The following PCDH9 variants were observed in gnomAD, a reference collection of about 807,000 sequenced individuals.
PCDH9 encodes the protein protocadherin-9.
PCDH9 carries 24 observed loss-of-function variants against 70.6 expected under a neutral mutation model. That is an observed-to-expected ratio of 0.34 (90% CI 0.25 to 0.48). PCDH9 has a LOEUF of 0.48. PCDH9 is among the 20% of genes least tolerant of loss of function. PCDH9 has a pLI of 0.99. For synonymous variants in PCDH9, 562 were observed against 558.5 expected, an observed-to-expected ratio of 1.01 and a Z score of -0.09; for missense variants, 1,281 against 1,503.6, an observed-to-expected ratio of 0.85 and a Z score of 2.45.
At chr13:66,827,360 CAAAAAAAAAAAAAAG>C (rs1267810884) in intron 3 of PCDH9, among the ~76,000 whole-genome samples, 2 of 120,276 alleles carry the variant, frequency 1.7e-5, no homozygotes, top group Non-Finnish European at 3.5e-5. Context: ...AGGAAAATGG[CAAAAAAAAAAAAAAG>C]AAAAAAAAGA....
chr13:66,861,244 A>G (rs2081479197), intron 3 of PCDH9, among the ~76,000 whole-genome samples: 1 of 152,188 alleles, frequency 6.6e-6, no homozygotes, highest in South Asian at 2.1e-4. Context: ...TCCAGCATAA[A>G]TATCAGTGCC....
intron 2 of PCDH9, among the ~76,000 whole-genome samples, chr13:67,121,901 TC>T (rs1274240570): frequency 6.6e-6 from 1 of 152,200 alleles, no homozygotes; most frequent in Admixed American, 6.5e-5. Context: ...TAAAATGGCA[TC>T]CTTGATTATG....
chr13:67,114,713 A>G (rs2086725678), intron 2 of PCDH9, among the ~76,000 whole-genome samples: 1 of 152,228 alleles, frequency 6.6e-6, no homozygotes, highest in Non-Finnish European at 1.5e-5. Context: ...CCTTCCATGC[A>G]TTCTAACTTT....
At chr13:66,496,859 G>A (rs1959125266) in intron 4 of PCDH9, among the ~76,000 whole-genome samples, 1 of 152,102 alleles carries the variant, frequency 6.6e-6, no homozygotes, top group African/African-American at 2.4e-5. Flanking sequence ...AAATTCCAAG[G>A]CAATGTGGGA....
intron 3 of PCDH9, among the ~76,000 whole-genome samples, chr13:66,763,251 A>G (rs1190909922): frequency 6.6e-6 from 1 of 152,038 alleles, no homozygotes; most frequent in East Asian, 1.9e-4. Context: ...AATACATATC[A>G]AAGTGGAAAA....
intron 2 of PCDH9, among the ~76,000 whole-genome samples, chr13:66,907,557 A>T (rs1594241417): frequency 6.6e-6 from 1 of 152,196 alleles, no homozygotes; most frequent in East Asian, 1.9e-4. Context: ...CTACCTATAG[A>T]CATATCTGCT....
chr13:67,037,734 T>C (rs2085038264), intron 2 of PCDH9, among the ~76,000 whole-genome samples: 2 of 152,090 alleles, frequency 1.3e-5, no homozygotes, highest in Non-Finnish European at 2.9e-5. Flanking sequence ...GCACCAAGAG[T>C]ACTGACCAAG....
intron 4 of PCDH9, among the ~76,000 whole-genome samples, chr13:66,453,525 C>T (rs1958257299): frequency 6.6e-6 from 1 of 151,212 alleles, no homozygotes; most frequent in South Asian, 2.1e-4. Flanking sequence ...GTTCTTTGTT[C>T]CTCCAAGTGC....
chr13:67,176,242 GA>G (rs2088451741), intron 2 of PCDH9, among the ~76,000 whole-genome samples: 1 of 152,170 alleles, frequency 6.6e-6, no homozygotes, highest in African/African-American at 2.4e-5. Flanking sequence ...GTGATGCAGA[GA>G]AAGTTAATAA....
At chr13:66,678,335 G>A (rs1037962813) in intron 3 of PCDH9, among the ~76,000 whole-genome samples, 3 of 151,846 alleles carry the variant, frequency 2.0e-5, no homozygotes, top group South Asian at 2.1e-4. Flanking sequence ...ATAAATTAAC[G>A]CAATTAATGA....
Position 66,514,068 on chromosome 13 carries a change from T to C in PCDH9, c.3340+117142A>G, listed in dbSNP as rs1281416146. Among the ~76,000 whole-genome samples the C allele has an allele frequency of 2.6e-5, 4 of 152,250 alleles. No homozygotes were observed. The East Asian group carries it at 7.7e-4, about 29-fold the overall frequency. On this transcript the variant is annotated intron_variant, in intron 4 of 4. Transcript: ENST00000377865. Reference sequence around the variant, plus strand: ...ATATTAGGAAGTAAAATAAGTAGCTTGTAATGACTGGGTAGATGCAGACTG... The same window carrying C: ...ATATTAGGAAGTAAAATAAGTAGCTCGTAATGACTGGGTAGATGCAGACTG...
At chr13:66,435,435 T>C (rs192841479) in intron 4 of PCDH9, among the ~76,000 whole-genome samples, 509 of 152,268 alleles carry the variant, frequency 3.3e-3, no homozygotes, top group South Asian at 0.012. Flanking sequence ...AATATAAAAG[T>C]ATTACCATAA....
At chr13:66,571,105 G>A (rs9529098) in intron 4 of PCDH9, among the ~76,000 whole-genome samples, 1 of 151,650 alleles carries the variant, frequency 6.6e-6, no homozygotes, top group African/African-American at 2.4e-5. Flanking sequence ...AACAAGAATT[G>A]TTGCTTTGTC....
chr13:66,858,289 T>G (rs2081427378), intron 3 of PCDH9, among the ~76,000 whole-genome samples: 1 of 152,184 alleles, frequency 6.6e-6, no homozygotes, highest in Non-Finnish European at 1.5e-5. Context: ...TGAGTTTTCG[T>G]TTTGTTTATT....
At chr13:66,744,343 C>T (rs1023418014) in intron 3 of PCDH9, among the ~76,000 whole-genome samples, 5 of 152,254 alleles carry the variant, frequency 3.3e-5, no homozygotes, top group Non-Finnish European at 7.4e-5. Flanking sequence ...ACATGGATCG[C>T]ATGCATAAAA....
intron 3 of PCDH9, among the ~76,000 whole-genome samples, chr13:66,785,452 G>A (rs1378515851): frequency 1.3e-5 from 2 of 151,590 alleles, no homozygotes; most frequent in South Asian, 4.2e-4. Context: ...TTTTACTGAC[G>A]ATAATTTTGC....
chr13:66,345,732 A>G (rs1364911917), intron 4 of PCDH9, among the ~76,000 whole-genome samples: 5 of 152,190 alleles, frequency 3.3e-5, no homozygotes, highest in African/African-American at 1.2e-4. Flanking sequence ...GAGATGCGCC[A>G]TGTCCACCAT....
chr13:67,197,593 A>G (rs141285484), intron 2 of PCDH9, among the ~76,000 whole-genome samples: 15 of 152,096 alleles, frequency 9.9e-5, no homozygotes, highest in African/African-American at 3.4e-4. Flanking sequence ...CAAAAAATAT[A>G]TATCTGCAGG....
intron 3 of PCDH9, among the ~76,000 whole-genome samples, chr13:66,656,485 GC>G (rs2139004638): frequency 6.6e-6 from 1 of 152,152 alleles, no homozygotes; most frequent in Admixed American, 6.5e-5. Flanking sequence ...AAAAAATTCT[GC>G]AGTTTTCTTT....
Sources: gnomAD v4.1 joint callset for allele counts (sites outside exome capture counted in the v4.1 genomes callset) on GRCh38, gnomAD v4.1.1 for gene constraint, MANE v1.5 for transcripts, NCBI Gene and HGNC (gene_info 2026-07-23, HGNC 2026-07-21) for gene names.